The following FUT8 variants were observed in gnomAD, a reference collection of about 807,000 sequenced individuals.
The protein encoded by FUT8 is alpha-(1,6)-fucosyltransferase.
A neutral mutation model predicts 71.3 loss-of-function variants in FUT8; 29 were observed. The ratio of observed to expected loss-of-function variants is 0.41; its 90% CI spans 0.30 to 0.55. The LOEUF is 0.55. Among genes scored for constraint, FUT8 ranks in the 20% least tolerant of loss-of-function variants. The pLI, the probability that FUT8 is intolerant of heterozygous loss-of-function variation, is 0.34. For synonymous variants in FUT8, 254 were observed against 239.3 expected (o/e 1.06, Z -0.57); for missense variants, 544 against 702.1 (o/e 0.77, Z 2.55).
chr14:65,507,639 C>T (rs375804799), intron 2 of FUT8, among the ~76,000 whole-genome samples: 10 of 152,226 alleles, frequency 6.6e-5, no homozygotes, highest in African/African-American at 2.4e-4. Context: ...ATCTCATTCT[C>T]TTTTATGGCT....
At chr14:65,439,360 A>T (rs1333852640) in intron 1 of FUT8, among the ~76,000 whole-genome samples, 1 of 152,176 alleles carries the variant, frequency 6.6e-6, no homozygotes, top group African/African-American at 2.4e-5. Context: ...GATGGAGGGA[A>T]ACAAGTCAGT....
chr14:65,716,047 T>A (rs1895041146), intron 7 of FUT8, among the ~76,000 whole-genome samples: 1 of 152,182 alleles, frequency 6.6e-6, no homozygotes, highest in Admixed American at 6.5e-5. Context: ...TGACCTAATT[T>A]ATGGTCTGTC....
chr14:65,535,223 A>G (rs1884226570), intron 2 of FUT8, among the ~76,000 whole-genome samples: 2 of 151,530 alleles, frequency 1.3e-5, no homozygotes, highest in Admixed American at 1.3e-4. Context: ...CCTCAGCGTC[A>G]TGAGTAGCTA....
intron 2 of FUT8, among the ~76,000 whole-genome samples, chr14:65,474,315 AAAAG>A (rs1481772966): frequency 6.6e-6 from 1 of 151,854 alleles, no homozygotes; most frequent in African/African-American, 2.4e-5. Flanking sequence ...TATTTAAAAA[AAAAG>A]AGGCCAGGCA....
chr14:65,610,892 A>G (rs1010127694), intron 3 of FUT8, among the ~76,000 whole-genome samples: 1 of 151,886 alleles, frequency 6.6e-6, no homozygotes, highest in Non-Finnish European at 1.5e-5. Context: ...TATCTACATT[A>G]CATATGGTTG....
the FUT8 span, among the ~76,000 whole-genome samples, chr14:65,402,196 ATTT>A: frequency 2.0e-3 from 148 of 75,836 alleles, 2 homozygotes; most frequent in South Asian, 9.1e-3. Context: ...ATGGAGTGTG[ATTT>A]TTTTTTTTTT....
In FUT8 at chr14:65,611,617, C is replaced by A. The variant is rs1889004450; in HGVS notation, c.204-4361C>A. On this transcript the variant is annotated intron_variant, in intron 3 of 10. Transcript: ENST00000673929. ...TTTTCATTTCAGACATTATAGTTTT[C>A]ATCTGTAGTAGTTCAACTTGGGTAT... Among the ~76,000 whole-genome samples the A allele has an allele frequency of 6.6e-5, 10 of 151,782 alleles. No homozygotes were observed. The South Asian group carries it at 2.1e-3, about 31-fold the overall frequency.
intron 2 of FUT8, among the ~76,000 whole-genome samples, chr14:65,533,095 C>T (rs1407455869): frequency 2.0e-5 from 3 of 152,128 alleles, no homozygotes; most frequent in African/African-American, 7.2e-5. Context: ...CATGATGCCT[C>T]CTGCATTGTT....
chr14:65,694,012 C>A (rs537577992), intron 7 of FUT8, among the ~76,000 whole-genome samples: 4 of 149,022 alleles, frequency 2.7e-5, no homozygotes, highest in African/African-American at 9.7e-5. Flanking sequence ...ATCGTTTTAA[C>A]GTCCACGTGA....
At chr14:65,588,666 T>C (rs769677088) in intron 3 of FUT8, among the ~76,000 whole-genome samples, 9 of 152,108 alleles carry the variant, frequency 5.9e-5, no homozygotes, top group Non-Finnish European at 1.0e-4. Flanking sequence ...GGTTTTGCTT[T>C]CTGCAGTTTC....
intron 3 of FUT8, among the ~76,000 whole-genome samples, chr14:65,595,716 C>G (rs1887939369): frequency 7.1e-6 from 1 of 140,824 alleles, no homozygotes; most frequent in Non-Finnish European, 1.5e-5. Context: ...TCATGCTGTT[C>G]TCCTGCCTCA....
intron 2 of FUT8, among the ~76,000 whole-genome samples, chr14:65,482,384 A>G (rs764235020): frequency 4.6e-5 from 7 of 151,982 alleles, no homozygotes; most frequent in Non-Finnish European, 8.8e-5. Flanking sequence ...TGACAAATGT[A>G]CAGGTGGAAT....
At chr14:65,626,911 A>C (rs1889922016) in intron 5 of FUT8, among the ~76,000 whole-genome samples, 1 of 152,198 alleles carries the variant, frequency 6.6e-6, no homozygotes. Context: ...TTGAGAAGGG[A>C]TGAAGCTGGA....
chr14:65,364,245 C>T, the FUT8 span, among the ~76,000 whole-genome samples: 1 of 152,016 alleles, frequency 6.6e-6, no homozygotes, highest in African/African-American at 2.4e-5. Flanking sequence ...TGCTCTGTCA[C>T]CCAGGCTGGA....
the FUT8 span, among the ~76,000 whole-genome samples, chr14:65,389,312 C>A: frequency 5.9e-4 from 90 of 151,782 alleles, no homozygotes; most frequent in African/African-American, 2.1e-3. Flanking sequence ...TGGGCTCAAG[C>A]GATCCTCCCA....
At chr14:65,634,153 C>T (rs1318177544) in intron 6 of FUT8, among the ~76,000 whole-genome samples, 4 of 151,924 alleles carry the variant, frequency 2.6e-5, no homozygotes, top group African/African-American at 7.3e-5. Context: ...ATTGAGAAAT[C>T]GGATGGTTGC....
In FUT8 at chr14:65,742,953, CTGTT is replaced by C. The variant is rs996087133; in HGVS notation, c.*545_*548del. On this transcript the variant is annotated 3_prime_UTR_variant, in exon 11 of 11. Transcript: ENST00000673929. ...TTTGTTTTTTCCTTTATAAGGTTGT[CTGTT>C]TTTTTTTTTTTAAATAATTGCATCA... The C allele has an allele frequency of 3.5e-5, 5 of 144,292 alleles. No homozygotes were observed. The highest frequency in any genetic ancestry group is 7.9e-5 in the African/African-American group (3 of 38,026). The allele number at this position is 144,292 out of a possible 1,614,324, so 8.9% of individuals were successfully genotyped here.
In FUT8 at chr14:65,558,078, C is replaced by T. The variant is rs186467561; in HGVS notation, c.-227-3259C>T. Among the ~76,000 whole-genome samples the T allele has an allele frequency of 1.8e-3, 273 of 151,988 alleles. 2 individuals carry two copies. Among genetic ancestry groups the T allele is most frequent in the African/African-American group, 6.4e-3 (264 of 41,462 alleles). Reference sequence around the variant, plus strand: ...GGGTGTGGTGGCTCACATCTGTAATCCCTACACTTTGGGAGGCTGAGGCAG... The same window carrying T: ...GGGTGTGGTGGCTCACATCTGTAATTCCTACACTTTGGGAGGCTGAGGCAG... On this transcript the variant is annotated intron_variant, in intron 2 of 10. Transcript: ENST00000673929.
chr14:65,476,824 A>G (rs758900326), intron 2 of FUT8, among the ~76,000 whole-genome samples: 1 of 152,076 alleles, frequency 6.6e-6, no homozygotes, highest in Non-Finnish European at 1.5e-5. Context: ...AACCTTACTC[A>G]TTTCAGAAAT....
Sources: gnomAD v4.1 joint callset for allele counts (sites outside exome capture counted in the v4.1 genomes callset) on GRCh38, gnomAD v4.1.1 for gene constraint, MANE v1.5 for transcripts, NCBI Gene and HGNC (gene_info 2026-07-23, HGNC 2026-07-21) for gene names.